Variants in GALNT10 observed in about 807,000 individuals in gnomAD.
GALNT10 encodes GalNAc transferase 10.
GALNT10 carries 41 observed loss-of-function variants against 75.0 expected under a neutral mutation model. That is an observed-to-expected ratio of 0.55 (90% CI 0.43 to 0.71). GALNT10 has a LOEUF of 0.71. Among genes scored for constraint, GALNT10 ranks in the 30% least tolerant of loss-of-function variants. GALNT10 has a pLI of 0.00. For missense variants in GALNT10, 727 were observed against 818.5 expected (o/e 0.89, Z 1.36); for synonymous variants, 302 against 313.0 (o/e 0.96, Z 0.37).
intron 1 of GALNT10, among the ~76,000 whole-genome samples, chr5:154,196,945 C>T (rs565817370): frequency 6.6e-6 from 1 of 152,306 alleles, no homozygotes. Context: ...GTCCTGCTGA[C>T]ACAGTGTTCC....
intron 3 of GALNT10, among the ~76,000 whole-genome samples, chr5:154,305,740 G>A (rs1026451377): frequency 1.3e-5 from 2 of 152,138 alleles, no homozygotes; most frequent in Non-Finnish European, 2.9e-5. Flanking sequence ...AGGAGAGGCC[G>A]GGCACAGTGG....
chr5:154,392,346 A>G (rs1236856570), intron 7 of GALNT10: 1 of 152,144 alleles, frequency 6.6e-6, no homozygotes, highest in Non-Finnish European at 1.5e-5. Flanking sequence ...GGCCCACATC[A>G]GTGTTTTCAG....
At chr5:154,415,687 C>A in intron 10 of GALNT10, 96 bp from the exon 11 acceptor site, 3 of 1,140,870 alleles carry the variant, frequency 2.6e-6, no homozygotes, top group Non-Finnish European at 3.8e-6. Flanking sequence ...ATTATTTGGA[C>A]CTCTGAGTTT....
chr5:154,315,581 G>A (rs1326916722), intron 3 of GALNT10, among the ~76,000 whole-genome samples: 1 of 152,196 alleles, frequency 6.6e-6, no homozygotes, highest in Non-Finnish European at 1.5e-5. Context: ...AATTTGATTG[G>A]TCTGGTGAGC....
intron 4 of GALNT10, chr5:154,338,478 G>C (rs964155590): frequency 1.9e-5 from 5 of 266,326 alleles, no homozygotes; most frequent in Non-Finnish European, 3.7e-5. Context: ...AGACTTTAAT[G>C]GTGCTTCCTC....
At chr5:154,268,426 A>G (rs1424242261) in intron 1 of GALNT10, among the ~76,000 whole-genome samples, 1 of 152,188 alleles carries the variant, frequency 6.6e-6, no homozygotes, top group African/African-American at 2.4e-5. Flanking sequence ...AGGTAGCTGT[A>G]CTTTCAGGCT....
intron 4 of GALNT10, among the ~76,000 whole-genome samples, chr5:154,342,800 C>T (rs149721857): frequency 1.1e-3 from 166 of 152,218 alleles, no homozygotes; most frequent in African/African-American, 3.5e-3. Context: ...TAATTTCAGC[C>T]GCTATTCATT....
rs1169647060 is a variant in GALNT10, at chr5:154,190,792, G to C, written c.-75G>C. 1 of 772,830 alleles carries C rather than the reference G, an allele frequency of 1.3e-6. No homozygotes were observed. Among genetic ancestry groups the C allele is most frequent in the Non-Finnish European group, 1.6e-6 (1 of 634,862 alleles). The allele number at this position is 772,830 out of a possible 1,614,324, so 47.9% of individuals were successfully genotyped here. A position where few individuals can be genotyped will look rare whatever the true frequency, so the allele number is the denominator to read the frequency against. Reference sequence around the variant, plus strand: ...GCTGGCTGAGCTGCTGCCGCCGCCGGGCGGACGGGCGGACGCGCGGAGCTG... The same window carrying C: ...GCTGGCTGAGCTGCTGCCGCCGCCGCGCGGACGGGCGGACGCGCGGAGCTG... On this transcript the variant is annotated 5_prime_UTR_variant, in exon 1 of 12. Coordinates refer to ENST00000297107, the MANE Select transcript of GALNT10 (RefSeq NM_198321.4).
intron 6 of GALNT10, 88 bp from the exon 7 acceptor site, chr5:154,386,225 G>A (rs1446598382): frequency 1.8e-5 from 17 of 930,722 alleles, no homozygotes; most frequent in Admixed American, 6.1e-5. Context: ...ATGGAACACC[G>A]CCGCTGGGGG....
At chr5:154,258,458 T>C (rs545664347) in intron 1 of GALNT10, among the ~76,000 whole-genome samples, 1 of 152,352 alleles carries the variant, frequency 6.6e-6, no homozygotes, top group South Asian at 2.1e-4. Context: ...ACAAGAGTTC[T>C]GTCCTTTTTC....
chr5:154,400,935 T>G (rs969609148), intron 7 of GALNT10, among the ~76,000 whole-genome samples: 4 of 152,162 alleles, frequency 2.6e-5, no homozygotes, highest in Non-Finnish European at 5.9e-5. Context: ...GTGAAGCAGC[T>G]TCATCTGAGC....
intron 1 of GALNT10, 23 bp downstream of exon 1, chr5:154,191,048 G>A: frequency 7.2e-7 from 1 of 1,385,146 alleles, no homozygotes; most frequent in African/African-American, 1.5e-5. Context: ...GTTGCTACAG[G>A]CCGGGAACAC....
intron 4 of GALNT10, among the ~76,000 whole-genome samples, chr5:154,345,628 C>CTTT (rs751597207): frequency 3.5e-4 from 42 of 118,500 alleles, no homozygotes; most frequent in African/African-American, 1.1e-3. Context: ...AAATTTCCAC[C>CTTT]TTTTTTTTTT....
At position 154,248,543 on chromosome 5, in the gene GALNT10, G is replaced by A. The variant is rs192479160; in HGVS notation, c.160-46273G>A. On this transcript the variant is annotated intron_variant, in intron 1 of 11. Coordinates refer to ENST00000297107, the MANE Select transcript of GALNT10 (RefSeq NM_198321.4). ...TTCTTCCTGGTTTAGTCTTGGGAGG[G>A]TGTATGTGTTGAGGAATTTATCCAT... is the stretch of plus-strand genomic sequence containing the variant. Among the ~76,000 whole-genome samples the A allele has an allele frequency of 6.3e-3, 955 of 152,300 alleles. 11 individuals carry two copies. Among genetic ancestry groups the A allele is most frequent in the African/African-American group, 0.021 (889 of 41,574 alleles).
intron 1 of GALNT10, among the ~76,000 whole-genome samples, chr5:154,202,192 A>G (rs1775037196): frequency 6.6e-6 from 1 of 152,218 alleles, no homozygotes; most frequent in South Asian, 2.1e-4. Context: ...GTCCCCCCAG[A>G]GGCAGCTGAA....
At chr5:154,276,114 TCTAA>T (rs1753947748) in intron 1 of GALNT10, among the ~76,000 whole-genome samples, 1 of 152,138 alleles carries the variant, frequency 6.6e-6, no homozygotes, top group African/African-American at 2.4e-5. Context: ...AGGTCATGAG[TCTAA>T]CTAAGCTGAC....
At chr5:154,264,733 G>C (rs1001563006) in intron 1 of GALNT10, among the ~76,000 whole-genome samples, 7 of 152,180 alleles carry the variant, frequency 4.6e-5, no homozygotes, top group African/African-American at 1.7e-4. Flanking sequence ...GCTTTTGGCT[G>C]TCCACAGTGA....
At chr5:154,205,193 T>C (rs1307630275) in intron 1 of GALNT10, among the ~76,000 whole-genome samples, 4 of 152,176 alleles carry the variant, frequency 2.6e-5, no homozygotes, top group Admixed American at 6.5e-5. Flanking sequence ...GCCTCAAAAG[T>C]GTTAGCTCCC....
intron 4 of GALNT10, among the ~76,000 whole-genome samples, chr5:154,330,908 G>GGTGTGTGTGT (rs370103391): frequency 0.036 from 4,580 of 125,930 alleles, 159 homozygotes; most frequent in African/African-American, 0.094. Flanking sequence ...AGACAGAGAG[G>GGTGTGTGTGT]GTGTGTGTGT....
Sources: gnomAD v4.1 joint callset for allele counts (sites outside exome capture counted in the v4.1 genomes callset) on GRCh38, gnomAD v4.1.1 for gene constraint, MANE v1.5 for transcripts, NCBI Gene and HGNC (gene_info 2026-07-23, HGNC 2026-07-21) for gene names.